The following TRAPPC10 variants were observed in gnomAD, a reference collection of about 807,000 sequenced individuals.
The protein encoded by TRAPPC10 is trafficking protein particle complex subunit 10, also known as TRAPP 130 kDa subunit.
Under a neutral mutation model 125.5 loss-of-function variants are expected in TRAPPC10, and 23 were observed. The observed-to-expected ratio is 0.18, with a 90% CI of 0.13 to 0.26. The LOEUF (loss-of-function observed/expected upper bound fraction) is 0.26. Among genes scored for constraint, TRAPPC10 ranks in the 10% least tolerant of loss-of-function variants. TRAPPC10 has a pLI of 1.00. For synonymous variants in TRAPPC10, 509 were observed against 518.0 expected, an observed-to-expected ratio of 0.98 and a Z score of 0.24; for missense variants, 1,123 against 1,308.4, an observed-to-expected ratio of 0.86 and a Z score of 2.19.
At chr21:44,060,869 G>A (rs898318082) in intron 6 of TRAPPC10, among the ~76,000 whole-genome samples, 3 of 151,312 alleles carry the variant, frequency 2.0e-5, no homozygotes, top group Admixed American at 1.3e-4. Context: ...CCAAAGTGCT[G>A]GGATTATAGT....
rs1053342345 is a variant in TRAPPC10 at position 44,082,874 on chromosome 21, G to A, written c.1810G>A (p.Gly604Ser). The A allele has an allele frequency of 7.4e-6, 12 of 1,613,992 alleles. No individual in the cohort carries two copies. Among genetic ancestry groups the A allele is most frequent in the East Asian group, 2.2e-5 (1 of 44,892 alleles). The part of the protein sequence containing the change: ...DPSNAVVHVG[G>S]VLCVEITMYS... ...CTCCAATGCCGTGGTCCACGTGGGC[G>A]GCGTTTTGTGCGTTGAGATAACCAT... Residue 604 changes from glycine to serine, a missense_variant, in exon 14 of 23, where the codon GGC becomes AGC. Gly to Ser is a moderately conservative substitution (Grantham distance 56). Transcript: ENST00000291574. The surrounding 1 kb of genome is among the most constrained non-coding windows in gnomAD (Gnocchi z 4.4).
chr21:44,031,490 C>G (rs1183734502), intron 1 of TRAPPC10, among the ~76,000 whole-genome samples: 1 of 152,226 alleles, frequency 6.6e-6, no homozygotes, highest in Non-Finnish European at 1.5e-5. Context: ...CCACTGTCAG[C>G]TCTGTGCACT....
chr21:44,089,332 C>T (rs1326337331), intron 17 of TRAPPC10: 4 of 355,620 alleles, frequency 1.1e-5, no homozygotes, highest in Non-Finnish European at 2.3e-5. Flanking sequence ...ATAGCTTTGT[C>T]CTCACTGTGC....
chr21:44,083,162 C>A lies in TRAPPC10; in HGVS notation c.2098C>A (p.His700Asn), dbSNP rs1483935324. The change falls in exon 14 of 23, where the codon CAC becomes AAC. Residue 700 changes from histidine (H) to asparagine (N), a missense_variant. Around this residue, in one of 4 missense-constraint regions of TRAPPC10, gnomAD observed 840 missense variants for 902.0 expected, o/e 0.93. Transcript: ENST00000291574. ...NTTGIICRNVHMLLRRQESSS... is the reference protein window; with the variant it reads ...NTTGIICRNVNMLLRRQESSS... ...GACTGGGATTATCTGCAGAAACGTC[C>A]ACATGCTCCTGAGAAGGCAGGAGAG... is the stretch of plus-strand genomic sequence containing the variant. The A allele has an allele frequency of 6.2e-7, 1 of 1,614,184 alleles. No individual in the cohort carries two copies. The highest frequency in any genetic ancestry group is 8.5e-7 in the Non-Finnish European group (1 of 1,180,040).
At position 44,087,331 on chromosome 21, in the gene TRAPPC10, C is replaced by G. The variant is rs2038207951; in HGVS notation, c.2540-368C>G. Among the ~76,000 whole-genome samples the G allele has an allele frequency of 6.6e-6, 1 of 152,150 alleles. No homozygotes were observed. Among genetic ancestry groups the G allele is most frequent in the Non-Finnish European group, 1.5e-5 (1 of 68,010 alleles). On this transcript the variant is annotated intron_variant, in intron 16 of 22. Coordinates refer to ENST00000291574, the MANE Select transcript of TRAPPC10 (RefSeq NM_003274.5). This position sits in a 1 kb window ranked among gnomAD's most constrained non-coding sequence, Gnocchi z 4.6. ...GGTGCTGTTGAGAGCCCTGAGCACT[C>G]CCATCCTCCCAGCCACGAGGAAGGG...
chr21:44,048,520 G>C (rs1420663413), intron 3 of TRAPPC10, among the ~76,000 whole-genome samples: 1 of 152,156 alleles, frequency 6.6e-6, no homozygotes, highest in East Asian at 1.9e-4. Flanking sequence ...TTGAGACAGA[G>C]TCTTGCTCTA....
chr21:44,049,294 C>G (rs924593458), intron 3 of TRAPPC10, among the ~76,000 whole-genome samples: 1 of 152,208 alleles, frequency 6.6e-6, no homozygotes, highest in Non-Finnish European at 1.5e-5. Context: ...CTGGTTTCCT[C>G]CCTTCTATGT....
In TRAPPC10 at chr21:44,012,553, C is replaced by G; in HGVS notation, c.60C>G (p.Ile20Met). 1.3e-6 allele frequency: 2 copies of G among 1,536,052 alleles called. No individual in the cohort carries two copies. The highest frequency in any genetic ancestry group is 2.5e-5 in the East Asian group (1 of 40,274). ...PVIYTMENKP[I>M]VTCAGDQNLF... ...TCTACACCATGGAGAACAAGCCCATCGTCACCTGTGAGTGCCCGGAGGCGG... is the reference window on the plus strand; with the variant it reads ...TCTACACCATGGAGAACAAGCCCATGGTCACCTGTGAGTGCCCGGAGGCGG... Residue 20 changes from isoleucine to methionine, a missense_variant, in exon 1 of 23, where the codon ATC becomes ATG. Physicochemically the swap from Ile to Met is conservative, Grantham distance 10. This residue lies in a region of TRAPPC10 where 177 missense variants were observed against 228.9 expected (regional missense o/e 0.77). Coordinates refer to ENST00000291574, the MANE Select transcript of TRAPPC10 (RefSeq NM_003274.5).
chr21:44,094,365 T>C, intron 20 of TRAPPC10, 132 bp downstream of exon 20: 1 of 878,762 alleles, frequency 1.1e-6, no homozygotes, highest in Non-Finnish European at 1.7e-6. Flanking sequence ...AAAACAGTTG[T>C]TGGGGTAGTT....
chr21:44,067,549 T>C (rs2036540324), intron 7 of TRAPPC10, among the ~76,000 whole-genome samples: 1 of 152,114 alleles, frequency 6.6e-6, no homozygotes, highest in Non-Finnish European at 1.5e-5. Context: ...CTGTCAAGAA[T>C]CATTCAAGAA....
intron 19 of TRAPPC10, among the ~76,000 whole-genome samples, chr21:44,093,763 GA>G (rs1007104691): frequency 3.6e-4 from 54 of 151,064 alleles, no homozygotes; most frequent in Admixed American, 3.9e-4. Context: ...ATTTCAAAAA[GA>G]AAAAAAAATT....
At position 44,087,823 on chromosome 21, in the gene TRAPPC10, C is replaced by G. The variant is rs141851341; in HGVS notation, c.2664C>G (p.Ala888=). ...FELEVLSLPS[A]PALGGESDML... is the part of the protein sequence containing the mutation. ...TGGAAGTTCTCTCTTTACCTTCAGC[C>G]CCAGCACTCGGAGGGGAGAGTGACA... Residue 888 remains alanine, a synonymous_variant, in exon 17 of 23, where the codon GCC becomes GCG. Coordinates refer to ENST00000291574, the MANE Select transcript of TRAPPC10 (RefSeq NM_003274.5). This position sits in a 1 kb window ranked among gnomAD's most constrained non-coding sequence, Gnocchi z 4.6. 22 of 1,614,104 alleles carry G rather than the reference C, an allele frequency of 1.4e-5. No individual in the cohort carries two copies. The highest frequency in any genetic ancestry group is 1.8e-5 in the Non-Finnish European group (21 of 1,180,060).
At chr21:44,058,025 C>T (rs1354398468) in intron 5 of TRAPPC10, among the ~76,000 whole-genome samples, 1 of 152,206 alleles carries the variant, frequency 6.6e-6, no homozygotes, top group African/African-American at 2.4e-5. Flanking sequence ...TTACTGAGCA[C>T]GGACAGGTGC....
At chr21:44,089,499 G>A (rs766590541) in intron 17 of TRAPPC10, 1 of 476,768 alleles carries the variant, frequency 2.1e-6, no homozygotes, top group South Asian at 1.5e-5. Flanking sequence ...ATTGCAACAT[G>A]CATGGCTCCG....
At position 44,063,551 on chromosome 21, in the gene TRAPPC10, G is replaced by T; in HGVS notation, c.804G>T (p.Trp268Cys). 2 of 1,614,188 alleles carry T rather than the reference G, an allele frequency of 1.2e-6. No homozygotes were observed. Among genetic ancestry groups the T allele is most frequent in the Non-Finnish European group, 1.7e-6 (2 of 1,180,022 alleles). Reference protein sequence around the residue: ...VNFGAGDGANWLTFFCQPVKS... With the variant: ...VNFGAGDGANCLTFFCQPVKS... ...GTGTTTGTTTAGATGGTGCCAACTG[G>T]CTGACTTTTTTCTGCCAGCCAGTGA... Residue 268 changes from tryptophan to cysteine, a missense_variant, in exon 7 of 23, where the codon TGG (tryptophan) becomes TGT (cysteine). Coordinates refer to ENST00000291574, the MANE Select transcript of TRAPPC10 (RefSeq NM_003274.5). The surrounding 1 kb of genome is among the most constrained non-coding windows in gnomAD (Gnocchi z 4.4).
At chr21:44,064,301 ATATGTGTGTGTG>A (rs766855915) in intron 7 of TRAPPC10, among the ~76,000 whole-genome samples, 10 of 138,744 alleles carry the variant, frequency 7.2e-5, no homozygotes, top group East Asian at 2.0e-4. Context: ...TATGTCATAA[ATATGTGTGTGTG>A]TGTGTGTGTG....
chr21:44,078,556 A>C (rs1333981387), intron 11 of TRAPPC10, among the ~76,000 whole-genome samples: 1 of 152,158 alleles, frequency 6.6e-6, no homozygotes, highest in African/African-American at 2.4e-5. Flanking sequence ...TTGGCTGGAA[A>C]GGGATTCTTA....
chr21:44,054,731 T>A (rs2145852133), intron 4 of TRAPPC10, among the ~76,000 whole-genome samples: 1 of 152,364 alleles, frequency 6.6e-6, no homozygotes, highest in Middle Eastern at 3.4e-3. Flanking sequence ...AGCCATGTTC[T>A]AAGCCTTTAT....
Position 44,087,560 on chromosome 21 carries a change from T to C in TRAPPC10, c.2540-139T>C. 1.4e-6 allele frequency: 1 copy of C among 726,638 alleles called. No homozygotes were observed. Among genetic ancestry groups the C allele is most frequent in the Non-Finnish European group, 2.3e-6 (1 of 427,722 alleles). The allele number at this position is 726,638 out of a possible 1,614,324, so 45.0% of individuals were successfully genotyped here. Reference sequence around the variant, plus strand: ...GGCTGCTCTGTCCTAGGGGCCTTGTTCTTGGGTTTGCCTGCCAGGTGCGCA... The same window carrying C: ...GGCTGCTCTGTCCTAGGGGCCTTGTCCTTGGGTTTGCCTGCCAGGTGCGCA... On this transcript the variant is annotated intron_variant, in intron 16 of 22. Transcript: ENST00000291574. The surrounding 1 kb of genome is among the most constrained non-coding windows in gnomAD (Gnocchi z 4.6).
Sources: allele counts gnomAD v4.1 joint callset (sites outside exome capture counted in the v4.1 genomes callset), GRCh38; gene constraint gnomAD v4.1.1; regional missense constraint gnomAD v4.1.1; non-coding constraint Gnocchi (gnomAD v3.1); transcripts MANE v1.5; gene names NCBI Gene and HGNC (gene_info 2026-07-23, HGNC 2026-07-21).